The following INTS8 variants were observed in gnomAD, a reference collection of about 807,000 sequenced individuals.
The protein encoded by INTS8 is integrator complex subunit 8, also known as protein kaonashi-1.
A neutral mutation model predicts 138.9 loss-of-function variants in INTS8; 47 were observed. That is an observed-to-expected ratio of 0.34 (90% CI 0.27 to 0.43). The LOEUF is 0.43. INTS8 is among the 20% of genes least tolerant of loss of function. INTS8 has a pLI of 1.00. For missense variants in INTS8, 996 were observed against 1,173.0 expected, an observed-to-expected ratio of 0.85 and a Z score of 2.20; for synonymous variants, 392 against 400.9, an observed-to-expected ratio of 0.98 and a Z score of 0.27.
chr8:94,834,958 A>G (rs760426472), intron 6 of INTS8, among the ~76,000 whole-genome samples: 1 of 152,196 alleles, frequency 6.6e-6, no homozygotes, highest in Non-Finnish European at 1.5e-5. Context: ...GGAATGAAGC[A>G]TATTTCTAGT....
chr8:94,849,823 T>G, intron 11 of INTS8, 93 bp from the exon 12 acceptor site: 1 of 936,238 alleles, frequency 1.1e-6, no homozygotes, highest in Non-Finnish European at 1.6e-6. Flanking sequence ...AATGGTGGCT[T>G]TTTAAATGGC....
In INTS8 at chr8:94,866,149, GT is replaced by G; in HGVS notation, c.2262-5del. 8.3e-7 allele frequency: 1 copy of G among 1,207,200 alleles called. No homozygotes were observed. The highest frequency in any genetic ancestry group is 1.2e-6 in the Non-Finnish European group (1 of 842,454). The allele number at this position is 1,207,200 out of a possible 1,614,324, so 74.8% of individuals were successfully genotyped here. On this transcript the variant is annotated splice_polypyrimidine_tract_variant and splice_region_variant and intron_variant, in intron 17 of 26. Transcript: ENST00000523731. ...ATTAAATGTGTATTCAAAAATTTTT[GT>G]TTTGTAGGAGTGAACTGCTTTCTTT...
chr8:94,846,420 A>G (rs1815334544), intron 10 of INTS8, among the ~76,000 whole-genome samples: 1 of 152,122 alleles, frequency 6.6e-6, no homozygotes, highest in Non-Finnish European at 1.5e-5. Context: ...GACTACAGGC[A>G]TGTGCCACCA....
chr8:94,873,536 T>G (rs781066745), intron 22 of INTS8, 59 bp downstream of exon 22: 3 of 1,121,130 alleles, frequency 2.7e-6, no homozygotes, highest in Non-Finnish European at 4.1e-6. Flanking sequence ...TCTTCCTGGG[T>G]CCCCTTTTGG....
rs184290806 is a variant in INTS8 at position 94,858,598 on chromosome 8, T to G, written c.1955-913T>G. ...GTCAGGCATTGTTCTAAGCTTCAGG[T>G]GCATAACTCATTTAGTCCTCATAGC... On this transcript the variant is annotated intron_variant, in intron 15 of 26. Transcript: ENST00000523731. 1.2e-4 allele frequency among the ~76,000 whole-genome samples: 19 copies of G among 152,360 alleles called. No homozygotes were observed. The East Asian group carries it at 3.5e-3, about 28-fold the overall frequency.
chr8:94,872,192 T>G (rs1297116718), intron 21 of INTS8, among the ~76,000 whole-genome samples, 190 bp downstream of exon 21: 1 of 152,080 alleles, frequency 6.6e-6, no homozygotes, highest in Non-Finnish European at 1.5e-5. Context: ...GCTTTTAACT[T>G]TACGTTGACT....
At chr8:94,878,212 G>A (rs1166190552) in intron 26 of INTS8, among the ~76,000 whole-genome samples, 3 of 152,062 alleles carry the variant, frequency 2.0e-5, no homozygotes, top group South Asian at 2.1e-4. Context: ...TCTCCAACCC[G>A]TCAGCTTTTT....
At position 94,851,611 on chromosome 8, in the gene INTS8, T is replaced by G; in HGVS notation, c.1566T>G (p.Pro522=). 1.9e-6 allele frequency: 3 copies of G among 1,602,318 alleles called. No homozygotes were observed. The East Asian group carries it at 6.8e-5, about 37-fold the overall frequency. The change falls in exon 13 of 27, where the codon CCT becomes CCG. Residue 522 remains proline, a synonymous_variant. Transcript: ENST00000523731. ...ATCAACTTATATTGTCAGTGGATCC[T>G]TGGAGGATTAGACAAATTTTAATTG... The part of the protein sequence containing the change: ...LEHQLILSVD[P]WRIRQILIEL...
chr8:94,842,550 C>T (rs1356903051), intron 10 of INTS8, 62 bp downstream of exon 10: 16 of 1,323,550 alleles, frequency 1.2e-5, no homozygotes, highest in Non-Finnish European at 1.6e-5. Context: ...CCAGTGACCT[C>T]TTAATTGCCA....
At chr8:94,868,488 C>G (rs1816264938) in intron 20 of INTS8, among the ~76,000 whole-genome samples, 1 of 152,174 alleles carries the variant, frequency 6.6e-6, no homozygotes, top group South Asian at 2.1e-4. Context: ...GTGCCCCTGC[C>G]CTCCACTTAC....
Position 94,824,998 on chromosome 8 carries a change from G to C in INTS8, c.236G>C (p.Arg79Pro). 1.9e-6 allele frequency: 3 copies of C among 1,611,896 alleles called. No individual in the cohort carries two copies. Among genetic ancestry groups the C allele is most frequent in the Non-Finnish European group, 2.5e-6 (3 of 1,178,306 alleles). ...CCTCCGCCTGATAACAAGAGAAATC[G>C]TATTTTAAAACTACTTGCTCTTAAA... The part of the protein sequence containing the change: ...VQPPPDNKRN[R>P]ILKLLALKVA... Residue 79 changes from arginine (R) to proline (P), a missense_variant, in exon 2 of 27, where the codon CGT becomes CCT. By Grantham distance (103) the Arg-to-Pro change is moderately radical. Coordinates refer to ENST00000523731, the MANE Select transcript of INTS8 (RefSeq NM_017864.4).
intron 6 of INTS8, among the ~76,000 whole-genome samples, 169 bp from the exon 7 acceptor site, chr8:94,836,355 G>T (rs548717189): frequency 1.3e-5 from 2 of 152,246 alleles, no homozygotes; most frequent in Admixed American, 1.3e-4. Flanking sequence ...ACCAGAGTTG[G>T]TTTATGTTGC....
chr8:94,849,375 C>G, intron 10 of INTS8, 87 bp from the exon 11 acceptor site: 1 of 764,820 alleles, frequency 1.3e-6, no homozygotes, highest in Non-Finnish European at 2.2e-6. Flanking sequence ...AAGGAAAATT[C>G]AGTTGTTTTT....
At chr8:94,836,676 C>G (rs1364283912) in intron 7 of INTS8, 45 bp downstream of exon 7, 2 of 1,173,906 alleles carry the variant, frequency 1.7e-6, no homozygotes, top group Admixed American at 4.0e-5. Flanking sequence ...TTCTTTAAAA[C>G]ATCTATACAT....
intron 16 of INTS8, among the ~76,000 whole-genome samples, chr8:94,862,042 C>T (rs1376666235): frequency 1.3e-5 from 2 of 151,526 alleles, no homozygotes; most frequent in Non-Finnish European, 2.9e-5. Context: ...CCAGTTTCAA[C>T]CCATTCTTGT....
At chr8:94,852,593 G>GTT (rs112550808) in intron 13 of INTS8, among the ~76,000 whole-genome samples, 1 of 142,984 alleles carries the variant, frequency 7.0e-6, no homozygotes. Flanking sequence ...TGTATGGTTT[G>GTT]TTTTTTTTTT....
intron 22 of INTS8, 96 bp from the exon 23 acceptor site, chr8:94,874,456 A>AC: frequency 2.7e-6 from 2 of 731,704 alleles, no homozygotes; most frequent in Admixed American, 4.2e-5. Flanking sequence ...TCCTCCACAC[A>AC]CAGCTTCCTC....
intron 13 of INTS8, 151 bp downstream of exon 13, chr8:94,851,837 C>G (rs771459580): frequency 2.0e-6 from 1 of 506,322 alleles, no homozygotes; most frequent in Non-Finnish European, 3.4e-6. Context: ...TTTTTAACAT[C>G]CATTGACAGA....
chr8:94,876,229 C>T lies in INTS8; in HGVS notation c.2771C>T (p.Ala924Val). 6.2e-7 allele frequency: 1 copy of T among 1,611,682 alleles called. No individual in the cohort carries two copies. The highest frequency in any genetic ancestry group is 8.5e-7 in the Non-Finnish European group (1 of 1,178,278). Residue 924 changes from alanine (A) to valine (V), a missense_variant, in exon 25 of 27, where the codon GCT becomes GTT. Transcript: ENST00000523731. ...KSLQEQNSHD[A>V]MDSYYDYIWD... ...TGAATTCTGTCTTTCAGTCATGATG[C>T]TATGGACTCCTACTACGACTACATA...
Sources: allele counts gnomAD v4.1 joint callset (sites outside exome capture counted in the v4.1 genomes callset), GRCh38; gene constraint gnomAD v4.1.1; transcripts MANE v1.5; gene names NCBI Gene and HGNC (gene_info 2026-07-23, HGNC 2026-07-21).